ODAM: variants seen among roughly 807,000 people sequenced by gnomAD.
The protein encoded by ODAM is odontogenic, ameloblast associated, also known as odontogenic ameloblast-associated protein.
Under a neutral mutation model 48.5 loss-of-function variants are expected in ODAM, and 55 were observed. The ratio of observed to expected loss-of-function variants is 1.13; its 90% CI spans 0.91 to 1.42. The LOEUF (loss-of-function observed/expected upper bound fraction) is 1.42, where lower values mean the gene tolerates loss of function less well. ODAM is among the 40% of genes most tolerant of loss of function. ODAM has a pLI of 0.00. For synonymous variants in ODAM, 127 were observed against 107.8 expected (o/e 1.18, Z -1.10); for missense variants, 353 against 323.6 (o/e 1.09, Z -0.70).
chr4:70,197,234 G>A (rs760687315), intron 3 of ODAM, 40 bp from the exon 4 acceptor site: 20 of 900,866 alleles, frequency 2.2e-5, no homozygotes, highest in Non-Finnish European at 3.4e-5. Flanking sequence ...TCATTTTAGT[G>A]TGTAGTAATC....
rs1033273503 is a variant in ODAM, at chr4:70,202,111, T to C, written c.577-147T>C. ...GCGAGATGTCAAGCCAGTTCTCTAA[T>C]AGCAAAAATTAAACTATTATTTCTG... On this transcript the variant is annotated intron_variant, in intron 8 of 11. Transcript: ENST00000683306. 1.6e-5 allele frequency: 10 copies of C among 633,548 alleles called. No individual in the cohort carries two copies. The East Asian group carries it at 1.9e-4, about 12-fold the overall frequency. 39.2% of individuals were successfully genotyped at this position (633,548 alleles called of 1,614,324 possible).
intron 8 of ODAM, 85 bp from the exon 9 acceptor site, chr4:70,202,173 T>A: frequency 2.2e-6 from 2 of 912,554 alleles, no homozygotes; most frequent in Non-Finnish European, 3.6e-6. Flanking sequence ...TGGGAGTGTT[T>A]TACTACTCTG....
rs770267053 is a variant in ODAM, at chr4:70,203,181, C to G, written c.836C>G (p.Pro279Arg). The G allele has an allele frequency of 1.1e-5, 17 of 1,601,714 alleles. No individual in the cohort carries two copies. Among genetic ancestry groups the G allele is most frequent in the Non-Finnish European group, 1.5e-5 (17 of 1,170,138 alleles). Residue 279 changes from proline to arginine, a missense_variant, in exon 11 of 12, where the codon CCA becomes CGA. By Grantham distance (103) the Pro-to-Arg change is moderately radical. Transcript: ENST00000683306. The part of the protein sequence containing the change: ...EKDKTDSLRE[P>R] Reference sequence around the variant, plus strand: ...GACAAGACTGACAGCCTAAGGGAACCATAAGAAGTTGCCCTGATCATTCAG... The same window carrying G: ...GACAAGACTGACAGCCTAAGGGAACGATAAGAAGTTGCCCTGATCATTCAG...
chr4:70,200,312 A>G (rs1729468244), intron 6 of ODAM, among the ~76,000 whole-genome samples, 185 bp from the exon 7 acceptor site: 2 of 151,756 alleles, frequency 1.3e-5, no homozygotes, highest in African/African-American at 4.8e-5. Context: ...CAAGTCCAGT[A>G]TTACCTGGGA....
intron 7 of ODAM, among the ~76,000 whole-genome samples, chr4:70,201,091 T>C (rs561665176): frequency 6.6e-6 from 1 of 151,944 alleles, no homozygotes; most frequent in African/African-American, 2.4e-5. Context: ...AGGTGGCTCA[T>C]ATATTATTAA....
At chr4:70,202,174 T>C in intron 8 of ODAM, 84 bp from the exon 9 acceptor site, 2 of 916,776 alleles carry the variant, frequency 2.2e-6, no homozygotes, top group Non-Finnish European at 3.6e-6. Context: ...GGGAGTGTTT[T>C]ACTACTCTGG....
intron 9 of ODAM, 33 bp from the exon 10 acceptor site, chr4:70,202,723 C>A (rs201475350): frequency 3.8e-6 from 6 of 1,569,354 alleles, no homozygotes; most frequent in African/African-American, 2.7e-5. Context: ...GTTGAACTTA[C>A]GACAACTTTG....
At chr4:70,201,426 A>T (rs1292773518) in intron 7 of ODAM, 28 bp from the exon 8 acceptor site, 4 of 1,174,506 alleles carry the variant, frequency 3.4e-6, no homozygotes, top group Non-Finnish European at 5.0e-6. Context: ...CACAGAAAAT[A>T]TAATACATTT....
intron 6 of ODAM, 85 bp downstream of exon 6, chr4:70,198,711 G>C (rs775370472): frequency 1.6e-4 from 169 of 1,050,944 alleles, no homozygotes; most frequent in Non-Finnish European, 1.9e-4. Flanking sequence ...GACTCCTATA[G>C]CAGGGCTATA....
intron 3 of ODAM, 32 bp downstream of exon 3, chr4:70,196,765 T>A: frequency 6.5e-7 from 1 of 1,534,656 alleles, no homozygotes; most frequent in Non-Finnish European, 8.9e-7. Context: ...AATCTCCTCC[T>A]TTTTTTAATG....
chr4:70,202,373 A>G (rs1729519188), intron 9 of ODAM, 44 bp downstream of exon 9: 4 of 1,418,450 alleles, frequency 2.8e-6, no homozygotes, highest in South Asian at 2.3e-5. Context: ...GAAATCAACA[A>G]TTGACAACTT....
In ODAM at chr4:70,202,810, G is replaced by C; in HGVS notation, c.703G>C (p.Asp235His). ...LQKEAINFRH[D>H]SAGVFMPSTS... Reference sequence around the variant, plus strand: ...AAAAGAAGCGATCAACTTTAGACATGACAGTGCAGGAGTTTTCATGCCCTC... The same window carrying C: ...AAAAGAAGCGATCAACTTTAGACATCACAGTGCAGGAGTTTTCATGCCCTC... The change falls in exon 10 of 12, where the codon GAC becomes CAC. Residue 235 changes from aspartate to histidine, a missense_variant. By Grantham distance (81) the Asp-to-His change is moderately conservative. Coordinates refer to ENST00000683306, the MANE Select transcript of ODAM (RefSeq NM_017855.4). The C allele has an allele frequency of 6.2e-7, 1 of 1,612,040 alleles. No individual in the cohort carries two copies. Among genetic ancestry groups the C allele is most frequent in the East Asian group, 2.2e-5 (1 of 44,740 alleles).
chr4:70,197,939 T>A lies in ODAM; in HGVS notation c.157T>A (p.Trp53Arg). The change falls in exon 5 of 12, where the codon TGG becomes AGG. Residue 53 changes from tryptophan to arginine, a missense_variant. Transcript: ENST00000683306. ...PLQLQGPLNS[W>R]IPPFSGILQQ... Reference sequence around the variant, plus strand: ...GTCTTTTTAGGGCCCACTTAATTCATGGATTCCACCTTTCTCTGGAATTTT... The same window carrying A: ...GTCTTTTTAGGGCCCACTTAATTCAAGGATTCCACCTTTCTCTGGAATTTT... 1 of 1,613,024 alleles carries A rather than the reference T, an allele frequency of 6.2e-7. No individual in the cohort carries two copies. The highest frequency in any genetic ancestry group is 8.5e-7 in the Non-Finnish European group (1 of 1,179,328).
rs185878350 is a variant in ODAM at position 70,202,026 on chromosome 4, G to A, written c.577-232G>A. On this transcript the variant is annotated intron_variant, in intron 8 of 11. Coordinates refer to ENST00000683306, the MANE Select transcript of ODAM (RefSeq NM_017855.4). ...CTGTAGAATTCTTTATGCTCAACAG[G>A]TAAGTACCTGGTCCTAGTAGAGAAT... is the stretch of plus-strand genomic sequence containing the variant. Among the ~76,000 whole-genome samples, 22 of 151,980 alleles carry A rather than the reference G, an allele frequency of 1.4e-4. No homozygotes were observed. The East Asian group carries it at 2.5e-3, about 17-fold the overall frequency.
intron 6 of ODAM, chr4:70,200,166 C>T: frequency 2.4e-6 from 1 of 412,812 alleles, no homozygotes; most frequent in Non-Finnish European, 4.6e-6. Flanking sequence ...GCTACATAGG[C>T]TATCTTTCAC....
At chr4:70,198,760 T>C in intron 6 of ODAM, 134 bp downstream of exon 6, 1 of 742,172 alleles carries the variant, frequency 1.3e-6, no homozygotes, top group Non-Finnish European at 2.3e-6. Context: ...GATAACATCA[T>C]TGCTGGGCTA....
At chr4:70,198,514 C>G in intron 5 of ODAM, 65 bp from the exon 6 acceptor site, 1 of 1,241,184 alleles carries the variant, frequency 8.1e-7, no homozygotes, top group South Asian at 1.3e-5. Flanking sequence ...CTAGGAAAAG[C>G]AGCTCAGGGA....
rs756455711 is a variant in ODAM at position 70,204,546 on chromosome 4, C to A, written c.*401C>A. 1 of 151,966 alleles carries A rather than the reference C, an allele frequency of 6.6e-6. No homozygotes were observed. Among genetic ancestry groups the A allele is most frequent in the Non-Finnish European group, 1.5e-5 (1 of 67,964 alleles). 9.4% of individuals were successfully genotyped at this position (151,966 alleles called of 1,614,324 possible). A position where few individuals can be genotyped will look rare whatever the true frequency, so the allele number is the denominator to read the frequency against. On this transcript the variant is annotated 3_prime_UTR_variant, in exon 12 of 12. Transcript: ENST00000683306. ...TGTATGATGAGTGTTGTGATTGGAA[C>A]TGATGAAGTAAAATAAGTATCTAGA... is the stretch of plus-strand genomic sequence containing the variant.
intron 11 of ODAM, among the ~76,000 whole-genome samples, chr4:70,203,888 C>A (rs2109821934): frequency 6.6e-6 from 1 of 152,036 alleles, no homozygotes; most frequent in East Asian, 1.9e-4. Context: ...GAGCACGCAG[C>A]ATTCTTCAGA....
Sources: gnomAD v4.1 joint callset for allele counts (sites outside exome capture counted in the v4.1 genomes callset) on GRCh38, gnomAD v4.1.1 for gene constraint, MANE v1.5 for transcripts, NCBI Gene and HGNC (gene_info 2026-07-23, HGNC 2026-07-21) for gene names.